RANBP2: variants seen among roughly 807,000 people sequenced by gnomAD.
RANBP2 encodes the protein RAN binding protein 2, also known as E3 SUMO-protein ligase RanBP2.
Under a neutral mutation model 303.6 loss-of-function variants are expected in RANBP2, and 57 were observed. The observed-to-expected ratio is 0.19, with a 90% CI of 0.15 to 0.23. The LOEUF (loss-of-function observed/expected upper bound fraction) is 0.23, where lower values mean the gene tolerates loss of function less well. Ranked by LOEUF, RANBP2 falls within the 10% of genes least tolerant of loss-of-function variation. The pLI is 1.00. For missense variants in RANBP2, 3,138 were observed against 3,780.8 expected (o/e 0.83, Z 4.46); for synonymous variants, 1,167 against 1,301.5 (o/e 0.90, Z 2.23).
At chr2:108,893,493 A>AAT in the RANBP2 span, among the ~76,000 whole-genome samples, 1 of 152,178 alleles carries the variant, frequency 6.6e-6, no homozygotes, top group Non-Finnish European at 1.5e-5. Flanking sequence ...ACGAAGGAAT[A>AAT]ATATGGGATG....
chr2:109,254,357 T>G, the RANBP2 span, among the ~76,000 whole-genome samples: 1 of 152,172 alleles, frequency 6.6e-6, no homozygotes, highest in Non-Finnish European at 1.5e-5. Context: ...CAAGTTGGCC[T>G]CTCTGTGCCT....
At chr2:108,978,061 C>A in the RANBP2 span, among the ~76,000 whole-genome samples, 4 of 152,168 alleles carry the variant, frequency 2.6e-5, no homozygotes, top group African/African-American at 9.7e-5. Context: ...TTCCTTCTCC[C>A]GACAAATGGC....
At chr2:109,585,065 C>T in the RANBP2 span, 2 of 953,698 alleles carry the variant, frequency 2.1e-6, no homozygotes, top group Non-Finnish European at 3.1e-6. Context: ...GTTCATGGGG[C>T]TATAAGGCGA....
the RANBP2 span, among the ~76,000 whole-genome samples, chr2:109,030,834 T>C: frequency 1.3e-5 from 2 of 152,212 alleles, no homozygotes; most frequent in Non-Finnish European, 2.9e-5. Context: ...GCAGTCCTTC[T>C]GCCTCGGCCT....
chr2:108,973,575 A>C, the RANBP2 span, among the ~76,000 whole-genome samples: 4 of 152,120 alleles, frequency 2.6e-5, no homozygotes, highest in African/African-American at 9.7e-5. Flanking sequence ...GGCTCCTGGA[A>C]TCCTCAATGA....
chr2:109,760,394 G>GGGCGGGGGC, the RANBP2 span: 1 of 536,054 alleles, frequency 1.9e-6, no homozygotes, highest in Non-Finnish European at 2.3e-6. Context: ...GGGCCAGGCG[G>GGGCGGGGGC]GGCGGGGGCG....
the RANBP2 span, among the ~76,000 whole-genome samples, chr2:109,721,546 T>TA: frequency 4.9e-4 from 75 of 151,980 alleles, no homozygotes; most frequent in South Asian, 0.012. Context: ...GGCCCAAAGA[T>TA]AAAAAAAACA....
the RANBP2 span, among the ~76,000 whole-genome samples, chr2:109,521,933 G>A: frequency 1.6e-4 from 24 of 152,208 alleles, no homozygotes; most frequent in Admixed American, 3.9e-4. Flanking sequence ...AGGGGTCGCA[G>A]CTGCCGCCCT....
the RANBP2 span, among the ~76,000 whole-genome samples, chr2:109,220,801 T>A: frequency 1.3e-5 from 2 of 152,232 alleles, no homozygotes; most frequent in Non-Finnish European, 2.9e-5. Flanking sequence ...GTTATGCTAG[T>A]GGGCATATAA....
chr2:109,343,518 C>A, the RANBP2 span, among the ~76,000 whole-genome samples: 1 of 152,200 alleles, frequency 6.6e-6, no homozygotes, highest in Non-Finnish European at 1.5e-5. Flanking sequence ...CTGTCCCCTA[C>A]CCTTCCCCAC....
chr2:109,433,228 C>A, the RANBP2 span, among the ~76,000 whole-genome samples: 1 of 152,164 alleles, frequency 6.6e-6, no homozygotes, highest in East Asian at 1.9e-4. Flanking sequence ...CATATATAGA[C>A]GTGTGATATG....
chr2:109,592,191 G>A, the RANBP2 span, among the ~76,000 whole-genome samples: 9 of 152,140 alleles, frequency 5.9e-5, no homozygotes, highest in Middle Eastern at 0.01. Context: ...ACGGCCGGGC[G>A]TGGTGGCTCA....
the RANBP2 span, among the ~76,000 whole-genome samples, chr2:109,445,593 A>G: frequency 1.3e-5 from 2 of 152,334 alleles, no homozygotes; most frequent in African/African-American, 4.8e-5. Context: ...ATTAAATGGG[A>G]GAGACAACTG....
chr2:109,427,977 C>T, the RANBP2 span, among the ~76,000 whole-genome samples: 1 of 152,264 alleles, frequency 6.6e-6, no homozygotes, highest in Admixed American at 6.5e-5. Context: ...TCCTGGTCGC[C>T]TCTGAGCTCC....
chr2:109,329,387 A>G, the RANBP2 span, among the ~76,000 whole-genome samples: 2 of 152,230 alleles, frequency 1.3e-5, no homozygotes, highest in African/African-American at 4.8e-5. Flanking sequence ...CCAAAGAATC[A>G]AGTGGACCTG....
rs748094089 is a variant in RANBP2 at position 108,771,719 on chromosome 2, C to G, written c.7868C>G (p.Pro2623Arg). The change falls in exon 21 of 29, where the codon CCT becomes CGT. Residue 2623 changes from proline to arginine, a missense_variant. By Grantham distance (103) the Pro-to-Arg change is moderately radical. This residue lies in a region of RANBP2 where 497 missense variants were observed against 465.8 expected (regional missense o/e 1.07). Transcript: ENST00000283195. Reference sequence around the variant, plus strand: ...GTTACAGCAAAAGAGAAGAAAAAACCTGAAGATTCTCCCTCAGATGATGAT... The same window carrying G: ...GTTACAGCAAAAGAGAAGAAAAAACGTGAAGATTCTCCCTCAGATGATGAT... ...TPEKAKEKKK[P>R]EDSPSDDDVL... The G allele has an allele frequency of 6.2e-7, 1 of 1,613,170 alleles. No individual in the cohort carries two copies. Among genetic ancestry groups the G allele is most frequent in the Non-Finnish European group, 8.5e-7 (1 of 1,179,896 alleles).
the RANBP2 span, among the ~76,000 whole-genome samples, chr2:109,120,654 C>T: frequency 1.3e-4 from 14 of 105,084 alleles, no homozygotes; most frequent in African/African-American, 4.5e-4. Context: ...GCAAAAAGAG[C>T]GAAACTCCGT....
Position 108,765,225 on chromosome 2 carries a change from A to T in RANBP2, c.4686A>T (p.Arg1562Ser), listed in dbSNP as rs753198036. 1 of 1,614,070 alleles carries T rather than the reference A, an allele frequency of 6.2e-7. No homozygotes were observed. The change falls in exon 20 of 29, where the codon AGA (arginine) becomes AGT (serine). Residue 1562 changes from arginine to serine, a missense_variant. By Grantham distance (110) the Arg-to-Ser change is moderately radical. Coordinates refer to ENST00000283195, the MANE Select transcript of RANBP2 (RefSeq NM_006267.5). ...CLVRNEANAT[R>S]CVACQNPDKP... ...TGCGAAATGAAGCAAATGCTACAAG[A>T]TGTGTTGCTTGTCAGAATCCGGATA...
chr2:109,026,333 T>G, the RANBP2 span, among the ~76,000 whole-genome samples: 1 of 144,310 alleles, frequency 6.9e-6, no homozygotes, highest in African/African-American at 2.6e-5. Flanking sequence ...CTTGCTATGT[T>G]GCTCAGGCTG....
Sources: gnomAD v4.1 joint callset for allele counts (sites outside exome capture counted in the v4.1 genomes callset) on GRCh38, gnomAD v4.1.1 for gene constraint, gnomAD v4.1.1 regional missense constraint, MANE v1.5 for transcripts, NCBI Gene and HGNC (gene_info 2026-07-23, HGNC 2026-07-21) for gene names.